The following CNGA1 variants were observed in gnomAD, a reference collection of about 807,000 sequenced individuals.
CNGA1 encodes cyclic nucleotide gated channel subunit alpha 1.
Under a neutral mutation model 69.7 loss-of-function variants are expected in CNGA1, and 53 were observed. That is an observed-to-expected ratio of 0.76 (90% CI 0.61 to 0.96). The LOEUF is 0.96. CNGA1 is among the 40% of genes least tolerant of loss of function. The pLI is 0.00. For missense variants in CNGA1, 739 were observed against 811.2 expected, an observed-to-expected ratio of 0.91 and a Z score of 1.08; for synonymous variants, 249 against 283.5, an observed-to-expected ratio of 0.88 and a Z score of 1.22.
chr4:47,988,357 T>C (rs1742079682), intron 2 of CNGA1, among the ~76,000 whole-genome samples: 1 of 151,982 alleles, frequency 6.6e-6, no homozygotes, highest in Non-Finnish European at 1.5e-5. Flanking sequence ...AAAAGGAAAA[T>C]AAGGCATTGT....
intron 3 of CNGA1, chr4:47,970,898 G>A (rs958599034): frequency 6.6e-6 from 3 of 453,828 alleles, no homozygotes; most frequent in Non-Finnish European, 1.3e-5. Flanking sequence ...GCTCACACCT[G>A]TAATACCAGC....
In CNGA1 at chr4:48,012,897, G is replaced by A. The variant is rs566127226; in HGVS notation, c.-222-2004C>T. On this transcript the variant is annotated intron_variant, in intron 1 of 10. Coordinates refer to ENST00000514170, the MANE Select transcript of CNGA1 (RefSeq NM_001379270.1). ...CCAATTCAGTTACTTACCTAGGGAC[G>A]AGTCTCTGGCTATAGACTGCTCTCT... 4.0e-5 allele frequency: 6 copies of A among 151,736 alleles called. No individual in the cohort carries two copies. The highest frequency in any genetic ancestry group is 1.2e-4 in the African/African-American group (5 of 41,284). The allele number at this position is 151,736 out of a possible 1,614,324, so 9.4% of individuals were successfully genotyped here.
Position 47,943,377 on chromosome 4 carries a change from T to C in CNGA1, c.323A>G (p.Lys108Arg), listed in dbSNP as rs773033454. The stretch of plus-strand genomic sequence containing the variant: ...ATTCTTGCCAAAGTCTTACCTCTTC[T>C]TTTCTTTTTTCTTTTTCTTTTTTTC... ...PEEKKKKKKE[K>R]KSKSDDKNEN... is the part of the protein sequence containing the mutation. Residue 108 changes from lysine to arginine, a missense_variant, in exon 7 of 11, where the codon AAG becomes AGG. Coordinates refer to ENST00000514170, the MANE Select transcript of CNGA1 (RefSeq NM_001379270.1). 5.9e-6 allele frequency: 9 copies of C among 1,518,682 alleles called. No individual in the cohort carries two copies. Among genetic ancestry groups the C allele is most frequent in the Middle Eastern group, 1.8e-4 (1 of 5,446 alleles). The allele number at this position is 1,518,682 out of a possible 1,614,324, so 94.1% of individuals were successfully genotyped here.
intron 3 of CNGA1, among the ~76,000 whole-genome samples, chr4:47,966,500 G>T (rs946377224): frequency 1.3e-5 from 2 of 152,110 alleles, no homozygotes; most frequent in Admixed American, 6.6e-5. Flanking sequence ...ATAAGGTATG[G>T]GTAAGGCACA....
chr4:47,998,539 CT>C (rs1400069249), intron 2 of CNGA1, among the ~76,000 whole-genome samples: 1 of 152,114 alleles, frequency 6.6e-6, no homozygotes, highest in African/African-American at 2.4e-5. Flanking sequence ...CTTTGGTAGG[CT>C]GAGATGGGCA....
At chr4:47,998,650 T>C (rs1714509761) in intron 2 of CNGA1, among the ~76,000 whole-genome samples, 1 of 152,106 alleles carries the variant, frequency 6.6e-6, no homozygotes, top group South Asian at 2.1e-4. Flanking sequence ...AGGTGGCACA[T>C]GCCTGCAGTC....
At chr4:47,997,201 A>G (rs1714392884) in intron 2 of CNGA1, among the ~76,000 whole-genome samples, 2 of 152,226 alleles carry the variant, frequency 1.3e-5, no homozygotes, top group Admixed American at 6.5e-5. Context: ...CTTTCAATTT[A>G]GCTTTCTCAG....
chr4:47,979,807 A>G (rs1741603757), intron 3 of CNGA1, among the ~76,000 whole-genome samples: 1 of 152,142 alleles, frequency 6.6e-6, no homozygotes, highest in Admixed American at 6.5e-5. Flanking sequence ...TCAACACATT[A>G]ACTTTCTAAC....
At chr4:48,000,782 AC>A (rs1714635753) in intron 2 of CNGA1, among the ~76,000 whole-genome samples, 2 of 152,314 alleles carry the variant, frequency 1.3e-5, no homozygotes, top group South Asian at 4.1e-4. Context: ...TAAATGAGAA[AC>A]AATGTAAGCT....
intron 2 of CNGA1, among the ~76,000 whole-genome samples, chr4:47,984,840 T>C (rs1422710212): frequency 6.6e-6 from 1 of 152,030 alleles, no homozygotes; most frequent in African/African-American, 2.4e-5. Flanking sequence ...TCTTGGGGAG[T>C]TAAGATCTTC....
intron 6 of CNGA1, among the ~76,000 whole-genome samples, chr4:47,945,487 C>A (rs1159229164): frequency 6.6e-6 from 1 of 152,120 alleles, no homozygotes; most frequent in African/African-American, 2.4e-5. Flanking sequence ...GCACAGGATC[C>A]ATGTTGATGT....
intron 3 of CNGA1, among the ~76,000 whole-genome samples, chr4:47,954,248 CCCGCTGAAAGTCACCT>C: frequency 6.6e-6 from 1 of 152,194 alleles, no homozygotes; most frequent in African/African-American, 2.4e-5. Flanking sequence ...AGCTCCCCAT[CCCGCTGAAAGTCACCT>C]CCACTGTTCA....
At chr4:47,942,177 G>T (rs749622944) in intron 8 of CNGA1, 29 bp from the exon 9 acceptor site, 26 of 1,328,794 alleles carry the variant, frequency 2.0e-5, no homozygotes, top group Non-Finnish European at 2.8e-5. Context: ...AAAGGGGATA[G>T]TTACCAAGAT....
intron 8 of CNGA1, 138 bp from the exon 9 acceptor site, chr4:47,942,286 A>G: frequency 1.5e-6 from 1 of 687,544 alleles, no homozygotes; most frequent in South Asian, 1.5e-5. Flanking sequence ...TGCAGTGTGA[A>G]GATTAGCATG....
intron 10 of CNGA1, among the ~76,000 whole-genome samples, chr4:47,940,203 A>G (rs1738993182): frequency 1.3e-5 from 2 of 152,216 alleles, no homozygotes; most frequent in Non-Finnish European, 2.9e-5. Flanking sequence ...ATTTTACGTA[A>G]TGATTCTTAA....
chr4:47,995,590 T>G (rs1323424487), intron 2 of CNGA1, among the ~76,000 whole-genome samples: 3 of 151,954 alleles, frequency 2.0e-5, no homozygotes, highest in Non-Finnish European at 4.4e-5. Context: ...GCTTCATCTT[T>G]CTGTGGTGTC....
intron 1 of CNGA1, among the ~76,000 whole-genome samples, chr4:48,015,698 G>A (rs140731231): frequency 1.3e-5 from 2 of 152,126 alleles, no homozygotes; most frequent in Non-Finnish European, 2.9e-5. Context: ...CACCTCCTGG[G>A]CTCAAGTCAT....
intron 9 of CNGA1, among the ~76,000 whole-genome samples, chr4:47,941,783 T>TA (rs1398453897): frequency 6.6e-6 from 1 of 151,874 alleles, no homozygotes; most frequent in Admixed American, 6.6e-5. Flanking sequence ...AAATAAAAGT[T>TA]AAAAAAATTA....
chr4:47,954,129 C>T (rs1356703362), intron 3 of CNGA1, among the ~76,000 whole-genome samples: 1 of 151,946 alleles, frequency 6.6e-6, no homozygotes, highest in African/African-American at 2.4e-5. Flanking sequence ...CAGAGCAGCA[C>T]GGCAGAGAAG....
Sources: gnomAD v4.1 joint callset for allele counts (sites outside exome capture counted in the v4.1 genomes callset) on GRCh38, gnomAD v4.1.1 for gene constraint, MANE v1.5 for transcripts, NCBI Gene and HGNC (gene_info 2026-07-23, HGNC 2026-07-21) for gene names.